Variants in OSBPL10 observed in about 807,000 individuals in gnomAD.
OSBPL10 encodes oxysterol binding protein like 10.
Under a neutral mutation model 81.7 loss-of-function variants are expected in OSBPL10, and 49 were observed. The ratio of observed to expected loss-of-function variants is 0.60; its 90% confidence interval spans 0.48 to 0.76. OSBPL10 has a LOEUF of 0.76. OSBPL10 is among the 30% of genes least tolerant of loss of function. The probability of loss-of-function intolerance (pLI) is 0.00; values close to 1 mark genes in which losing one functional copy is unlikely to be tolerated. For missense variants in OSBPL10, 923 were observed against 987.8 expected, an observed-to-expected ratio of 0.93 and a Z score of 0.88; for synonymous variants, 419 against 383.6, an observed-to-expected ratio of 1.09 and a Z score of -1.08.
At chr3:31,833,705 G>GCACACACACA (rs10591808) in intron 3 of OSBPL10, among the ~76,000 whole-genome samples, 3,171 of 137,986 alleles carry the variant, frequency 0.023, 45 homozygotes, top group East Asian at 0.067. Context: ...ACACGCACAC[G>GCACACACACA]CACACACACA....
At chr3:31,725,055 C>G (rs964542954) in intron 6 of OSBPL10, among the ~76,000 whole-genome samples, 5 of 152,204 alleles carry the variant, frequency 3.3e-5, no homozygotes, top group African/African-American at 1.2e-4. Flanking sequence ...AGAGACATTT[C>G]TCTTGCTTCT....
At chr3:31,814,418 G>A (rs1261434714) in intron 4 of OSBPL10, among the ~76,000 whole-genome samples, 1 of 152,182 alleles carries the variant, frequency 6.6e-6, no homozygotes, top group Admixed American at 6.5e-5. Flanking sequence ...AATAGGACCT[G>A]TGGAGATGTA....
intron 2 of OSBPL10, among the ~76,000 whole-genome samples, chr3:32,036,562 G>A (rs958739097): frequency 5.3e-5 from 8 of 152,146 alleles, no homozygotes; most frequent in Admixed American, 4.6e-4. Flanking sequence ...TCCCAACTTA[G>A]TAAGATGCTG....
chr3:31,801,615 G>T (rs189175770), intron 4 of OSBPL10, among the ~76,000 whole-genome samples: 21 of 152,312 alleles, frequency 1.4e-4, no homozygotes, highest in African/African-American at 4.8e-4. Flanking sequence ...TGTTCACACT[G>T]CAGACAAAAG....
intron 2 of OSBPL10, among the ~76,000 whole-genome samples, chr3:32,031,223 C>T (rs1699464480): frequency 6.6e-6 from 1 of 151,548 alleles, no homozygotes; most frequent in African/African-American, 2.4e-5. Context: ...AAGTGACAAA[C>T]AAGAATGAAA....
intron 2 of OSBPL10, among the ~76,000 whole-genome samples, chr3:32,039,494 C>T (rs1453879612): frequency 6.6e-6 from 1 of 151,710 alleles, no homozygotes; most frequent in Admixed American, 6.6e-5. Flanking sequence ...CCTGTCTCTA[C>T]TAAAGATACA....
At chr3:31,837,440 AAAC>A (rs1700388440) in intron 3 of OSBPL10, among the ~76,000 whole-genome samples, 1 of 149,578 alleles carries the variant, frequency 6.7e-6, no homozygotes, top group Admixed American at 6.6e-5. Flanking sequence ...AAAAATCTGA[AAAC>A]AAGGAATAAA....
chr3:31,923,451 A>G (rs925973212), intron 1 of OSBPL10, among the ~76,000 whole-genome samples: 1 of 152,184 alleles, frequency 6.6e-6, no homozygotes, highest in African/African-American at 2.4e-5. Flanking sequence ...AGACCAACCA[A>G]AAAACTGCCT....
Position 32,063,440 on chromosome 3 carries a change from G to GT in OSBPL10, n.185+13955dup, listed in dbSNP as rs1327479566. The stretch of plus-strand genomic sequence containing the variant: ...TTTGAGCTTTCACATATCAAAGAGT[G>GT]TTGATGCCCAGGGTGAACAGACCAA... On this transcript the variant is annotated intron_variant and non_coding_transcript_variant, in intron 1 of 3. Transcript: ENST00000479173. Among the ~76,000 whole-genome samples, 3 of 92,450 alleles carry GT rather than the reference G, an allele frequency of 3.2e-5. 1 individual carries two copies. In the East Asian group the frequency reaches 7.5e-4, roughly 23 times the overall value. The allele number at this position is 92,450 out of a possible 152,430, so 60.7% of individuals were successfully genotyped here.
chr3:31,810,630 CA>C (rs1000791072), intron 4 of OSBPL10, among the ~76,000 whole-genome samples: 13 of 152,074 alleles, frequency 8.5e-5, no homozygotes, highest in Non-Finnish European at 1.3e-4. Flanking sequence ...TAAAAATGGG[CA>C]AAAAACATGA....
At chr3:31,933,298 G>GA (rs1245059462) in intron 1 of OSBPL10, among the ~76,000 whole-genome samples, 1 of 152,170 alleles carries the variant, frequency 6.6e-6, no homozygotes, top group Non-Finnish European at 1.5e-5. Context: ...GCTGCAGAAT[G>GA]AGGAGGTTAG....
At chr3:31,838,319 G>A (rs1432235352) in intron 3 of OSBPL10, among the ~76,000 whole-genome samples, 1 of 152,006 alleles carries the variant, frequency 6.6e-6, no homozygotes, top group Non-Finnish European at 1.5e-5. Context: ...GACCATCCTG[G>A]CTAACACGGT....
chr3:31,955,772 T>G (rs1425262704), intron 1 of OSBPL10, among the ~76,000 whole-genome samples: 1 of 152,136 alleles, frequency 6.6e-6, no homozygotes, highest in Non-Finnish European at 1.5e-5. Flanking sequence ...GCTAGAAAAC[T>G]ATAAGCTACA....
intron 1 of OSBPL10, among the ~76,000 whole-genome samples, chr3:31,928,386 A>T (rs1575039620): frequency 6.6e-6 from 1 of 152,174 alleles, no homozygotes; most frequent in Non-Finnish European, 1.5e-5. Flanking sequence ...CATGCTCCAA[A>T]ACAGTAATTA....
At chr3:31,903,572 C>T (rs1237778873) in intron 1 of OSBPL10, among the ~76,000 whole-genome samples, 1 of 152,082 alleles carries the variant, frequency 6.6e-6, no homozygotes, top group Non-Finnish European at 1.5e-5. Flanking sequence ...CTCAAACAAT[C>T]CTCCCACCTC....
chr3:31,732,289 A>G (rs887328526), intron 6 of OSBPL10, among the ~76,000 whole-genome samples: 1 of 148,840 alleles, frequency 6.7e-6, no homozygotes, highest in East Asian at 1.9e-4. Context: ...ATCTGACTTT[A>G]TAAGAGTTAT....
intron 3 of OSBPL10, among the ~76,000 whole-genome samples, chr3:31,837,649 C>CA (rs10704809): frequency 0.48 from 65,103 of 136,320 alleles, 15,514 homozygotes; most frequent in East Asian, 0.74. Context: ...TGTTTTATTT[C>CA]AAAAAAAAAA....
Position 31,733,390 on chromosome 3 carries a change from C to G in OSBPL10, c.962G>C (p.Gly321Ala). The G allele has an allele frequency of 6.2e-7, 1 of 1,614,098 alleles. No individual in the cohort carries two copies. ...CTGCTCTGTGGAATGTGACTTGGAC[C>G]CGTGCCATCCCAGGATGTTTTCTGA... ...GASENILGWH[G>A]SKSHSTEQLK... The change falls in exon 6 of 12, where the codon GGG (glycine) becomes GCG (alanine). Residue 321 changes from glycine to alanine, a missense_variant. Gly to Ala is a moderately conservative substitution (Grantham distance 60). Coordinates refer to ENST00000396556, the MANE Select transcript of OSBPL10 (RefSeq NM_017784.5).
chr3:31,921,619 T>A (rs974166159), intron 1 of OSBPL10, among the ~76,000 whole-genome samples: 1 of 152,198 alleles, frequency 6.6e-6, no homozygotes, highest in Non-Finnish European at 1.5e-5. Context: ...ATGATTAAGT[T>A]ACTCAATAAA....
Sources: gnomAD v4.1 joint callset for allele counts (sites outside exome capture counted in the v4.1 genomes callset) on GRCh38, gnomAD v4.1.1 for gene constraint, MANE v1.5 for transcripts, NCBI Gene and HGNC (gene_info 2026-07-23, HGNC 2026-07-21) for gene names.